CPA6: variants seen among roughly 807,000 people sequenced by gnomAD.
The protein encoded by CPA6 is carboxypeptidase B.
Under a neutral mutation model 63.3 loss-of-function variants are expected in CPA6, and 58 were observed. The observed-to-expected ratio is 0.92, with a 90% CI of 0.74 to 1.14. The LOEUF is 1.14. CPA6 is among the 50% of genes most tolerant of loss of function. CPA6 has a pLI of 0.00. For missense variants in CPA6, 565 were observed against 526.6 expected, an observed-to-expected ratio of 1.07 and a Z score of -0.71; for synonymous variants, 185 against 179.0, an observed-to-expected ratio of 1.03 and a Z score of -0.27.
intron 8 of CPA6, among the ~76,000 whole-genome samples, chr8:67,471,556 T>C (rs187795030): frequency 3.9e-4 from 59 of 152,328 alleles, no homozygotes; most frequent in Middle Eastern, 6.8e-3. Flanking sequence ...CCTTCTGTGT[T>C]CTATAGTTCA....
chr8:67,525,374 T>G (rs1812340194), intron 2 of CPA6, among the ~76,000 whole-genome samples: 1 of 152,134 alleles, frequency 6.6e-6, no homozygotes, highest in Admixed American at 6.6e-5. Flanking sequence ...ATAATAAAAA[T>G]TGGTGGGGGC....
intron 1 of CPA6, among the ~76,000 whole-genome samples, chr8:67,718,095 C>T (rs1817416996): frequency 6.6e-6 from 1 of 152,060 alleles, no homozygotes; most frequent in South Asian, 2.1e-4. Context: ...CTATAATTGT[C>T]CTCTCCTAAG....
At chr8:67,668,125 T>C (rs1483858779) in intron 1 of CPA6, among the ~76,000 whole-genome samples, 1 of 152,214 alleles carries the variant, frequency 6.6e-6, no homozygotes, top group East Asian at 1.9e-4. Context: ...ACATCATCAA[T>C]CTGGTTAAAA....
chr8:67,555,166 T>C (rs768863208), intron 2 of CPA6, among the ~76,000 whole-genome samples: 4 of 152,164 alleles, frequency 2.6e-5, no homozygotes, highest in Non-Finnish European at 5.9e-5. Context: ...TTGGAATTTA[T>C]TATCTTATAT....
At chr8:67,716,449 C>T (rs1048490080) in intron 1 of CPA6, among the ~76,000 whole-genome samples, 10 of 152,140 alleles carry the variant, frequency 6.6e-5, no homozygotes, top group Admixed American at 6.5e-4. Context: ...CAAATGGTTA[C>T]ATTCTTTTGA....
intron 8 of CPA6, among the ~76,000 whole-genome samples, chr8:67,472,465 C>T (rs1289651947): frequency 2.7e-5 from 4 of 150,742 alleles, no homozygotes; most frequent in South Asian, 2.1e-4. Flanking sequence ...GGCTCTGTCA[C>T]CCAGGCCGGA....
chr8:67,431,443 C>A (rs1405722582), intron 9 of CPA6, among the ~76,000 whole-genome samples: 1 of 151,378 alleles, frequency 6.6e-6, no homozygotes, highest in Non-Finnish European at 1.5e-5. Context: ...GGGGTTAAAC[C>A]ATGTTGCCCA....
chr8:67,632,253 C>CGTTTT (rs1815357644), intron 1 of CPA6, among the ~76,000 whole-genome samples: 1 of 151,974 alleles, frequency 6.6e-6, no homozygotes, highest in Non-Finnish European at 1.5e-5. Flanking sequence ...TCACTGTAAC[C>CGTTTT]TCGAACTTGT....
intron 6 of CPA6, among the ~76,000 whole-genome samples, chr8:67,505,490 A>G (rs1286160440): frequency 6.6e-6 from 1 of 152,222 alleles, no homozygotes; most frequent in Non-Finnish European, 1.5e-5. Flanking sequence ...CCTATCAACA[A>G]CAGATGTTCT....
At chr8:67,742,508 C>G (rs1587744523) in intron 1 of CPA6, among the ~76,000 whole-genome samples, 1 of 152,178 alleles carries the variant, frequency 6.6e-6, no homozygotes, top group South Asian at 2.1e-4. Flanking sequence ...CTTCATTTAG[C>G]CTATTTGTAA....
At chr8:67,710,478 G>A (rs1033790379) in intron 1 of CPA6, among the ~76,000 whole-genome samples, 1 of 139,544 alleles carries the variant, frequency 7.2e-6, no homozygotes, top group African/African-American at 2.7e-5. Flanking sequence ...ATATATTTTG[G>A]GGTAAAATAT....
intron 1 of CPA6, among the ~76,000 whole-genome samples, chr8:67,736,093 C>A (rs1817807146): frequency 6.6e-6 from 1 of 152,110 alleles, no homozygotes; most frequent in Non-Finnish European, 1.5e-5. Context: ...CAGGACCCAC[C>A]TCCTACTTTA....
chr8:67,509,089 G>A (rs539965207), intron 5 of CPA6, among the ~76,000 whole-genome samples: 1 of 152,190 alleles, frequency 6.6e-6, no homozygotes, highest in South Asian at 2.1e-4. Context: ...GATCTCATGA[G>A]AACTCACTAT....
intron 6 of CPA6, among the ~76,000 whole-genome samples, chr8:67,499,567 C>T (rs760947329): frequency 3.3e-5 from 5 of 152,128 alleles, no homozygotes; most frequent in South Asian, 2.1e-4. Context: ...GTATTGGCAT[C>T]GATATGGGCA....
At chr8:67,570,420 C>T (rs1157849472) in intron 2 of CPA6, among the ~76,000 whole-genome samples, 1 of 152,124 alleles carries the variant, frequency 6.6e-6, no homozygotes, top group African/African-American at 2.4e-5. Context: ...AATCAGAACA[C>T]TCTAGTACTG....
chr8:67,625,906 C>A (rs443841), intron 1 of CPA6, among the ~76,000 whole-genome samples: 1 of 151,928 alleles, frequency 6.6e-6, no homozygotes, highest in African/African-American at 2.4e-5. Context: ...AATCTCATGT[C>A]AAATTGGAGG....
chr8:67,625,193 G>A (rs938356335), intron 1 of CPA6, among the ~76,000 whole-genome samples: 5 of 152,114 alleles, frequency 3.3e-5, no homozygotes, highest in Admixed American at 6.5e-5. Context: ...TGATAGGCCT[G>A]AAGGTCACTT....
intron 2 of CPA6, among the ~76,000 whole-genome samples, chr8:67,571,744 T>C (rs1461768990): frequency 6.6e-6 from 1 of 151,938 alleles, no homozygotes. Context: ...AAGAGAAGAA[T>C]GTTTGCAAAT....
chr8:67,659,241 C>T (rs1816055495), intron 1 of CPA6, among the ~76,000 whole-genome samples: 1 of 152,142 alleles, frequency 6.6e-6, no homozygotes, highest in Admixed American at 6.5e-5. Flanking sequence ...GAAGCAGATA[C>T]ATAATAGAGT....
Sources: gnomAD v4.1 joint callset for allele counts (sites outside exome capture counted in the v4.1 genomes callset) on GRCh38, gnomAD v4.1.1 for gene constraint, MANE v1.5 for transcripts, NCBI Gene and HGNC (gene_info 2026-07-23, HGNC 2026-07-21) for gene names.